Variants in IKBKB-DT observed in about 807,000 individuals in gnomAD.
IKBKB-DT encodes IKBKB antisense RNA.
At chr8:42,255,094 C>G (rs2976671) in intron 3 of IKBKB-DT, among the ~76,000 whole-genome samples, 1 of 151,680 alleles carries the variant, frequency 6.6e-6, no homozygotes, top group Non-Finnish European at 1.5e-5. Flanking sequence ...GCCCCACTGT[C>G]TGGGAAGTGA....
rs1474224768 is a variant in IKBKB-DT, at chr8:42,237,367, A to G, written n.1530-3508T>C. ...CTCCCAAAGTGCTGGGATTCCAGGC[A>G]TGACCACCATGCCCGGCCTAGTCTT... On this transcript the variant is annotated intron_variant and non_coding_transcript_variant, in intron 3 of 3. Coordinates refer to ENST00000518213, the Ensembl canonical transcript of IKBKB-DT. 4.6e-5 allele frequency among the ~76,000 whole-genome samples: 7 copies of G among 152,236 alleles called. No individual in the cohort carries two copies. In the East Asian group the frequency reaches 1.4e-3, roughly 29 times the overall value.
intron 1 of IKBKB-DT, among the ~76,000 whole-genome samples, chr8:42,267,004 G>GTTTTTTTTTTT (rs527900913): frequency 1.0e-4 from 13 of 125,594 alleles, no homozygotes; most frequent in Non-Finnish European, 1.6e-4. Flanking sequence ...TTTTTTTTTT[G>GTTTTTTTTTTT]TTTTTTTTTT....
intron 3 of IKBKB-DT, among the ~76,000 whole-genome samples, chr8:42,244,528 A>C (rs1807039852): frequency 6.6e-6 from 1 of 152,212 alleles, no homozygotes; most frequent in Middle Eastern, 3.2e-3. Flanking sequence ...GCTGATTAAT[A>C]ATAATTTGAA....
At chr8:42,240,933 C>T (rs933913318) in intron 3 of IKBKB-DT, among the ~76,000 whole-genome samples, 3 of 152,020 alleles carry the variant, frequency 2.0e-5, no homozygotes, top group African/African-American at 4.8e-5. Context: ...TGAGATTGCG[C>T]CATTGCACTC....
intron 3 of IKBKB-DT, among the ~76,000 whole-genome samples, chr8:42,248,068 G>A (rs1251761950): frequency 2.6e-5 from 4 of 151,580 alleles, no homozygotes; most frequent in Non-Finnish European, 5.9e-5. Flanking sequence ...ACTCCAGCCT[G>A]GGCGACAGAG....
At chr8:42,260,015 AAGAG>A (rs957946092) in intron 3 of IKBKB-DT, among the ~76,000 whole-genome samples, 8 of 150,046 alleles carry the variant, frequency 5.3e-5, no homozygotes, top group African/African-American at 1.2e-4. Flanking sequence ...AGAGAGAGAA[AAGAG>A]AGAGAGAGAG....
intron 3 of IKBKB-DT, among the ~76,000 whole-genome samples, chr8:42,257,570 G>A (rs940739714): frequency 2.6e-5 from 4 of 151,986 alleles, no homozygotes; most frequent in East Asian, 3.9e-4. Context: ...GGGGCCTTCA[G>A]GAAAATTCCA....
intron 3 of IKBKB-DT, among the ~76,000 whole-genome samples, chr8:42,252,296 C>G (rs1376928584): frequency 6.6e-6 from 1 of 152,176 alleles, no homozygotes; most frequent in Non-Finnish European, 1.5e-5. Context: ...TCTATAAACC[C>G]CATGCATTCC....
chr8:42,251,909 C>A (rs1807133432), intron 3 of IKBKB-DT, among the ~76,000 whole-genome samples: 1 of 151,674 alleles, frequency 6.6e-6, no homozygotes. Context: ...AGGTCTGCAG[C>A]AACCTCATTT....
intron 3 of IKBKB-DT, among the ~76,000 whole-genome samples, chr8:42,252,936 T>G (rs1464190084): frequency 6.6e-6 from 1 of 152,218 alleles, no homozygotes; most frequent in African/African-American, 2.4e-5. Context: ...CCAAAACATG[T>G]TTCTTTGCCA....
At chr8:42,233,715 C>A (rs1272134708) in exon 4 of IKBKB-DT, 1 of 152,206 alleles carries the variant, frequency 6.6e-6, no homozygotes, top group South Asian at 2.1e-4. Flanking sequence ...TCAAATCAGT[C>A]TCTCCCAGCA....
At chr8:42,269,462 A>AG (rs1563280938) in intron 1 of IKBKB-DT, among the ~76,000 whole-genome samples, 1 of 20,894 alleles carries the variant, frequency 4.8e-5, no homozygotes, top group Non-Finnish European at 8.7e-5. Context: ...AGGGGAGGGG[A>AG]GGGGAGGGGA....
chr8:42,253,984 T>C (rs1278768691), intron 3 of IKBKB-DT, among the ~76,000 whole-genome samples: 1 of 152,242 alleles, frequency 6.6e-6, no homozygotes, highest in Non-Finnish European at 1.5e-5. Flanking sequence ...AAGAACAGGC[T>C]GTGACCTAAT....
intron 3 of IKBKB-DT, among the ~76,000 whole-genome samples, chr8:42,259,145 C>T (rs949393453): frequency 2.0e-5 from 3 of 152,270 alleles, no homozygotes; most frequent in East Asian, 1.9e-4. Flanking sequence ...CCTGCCTCAG[C>T]CTCCTGAGTA....
chr8:42,241,299 C>T (rs1807000673), intron 3 of IKBKB-DT, among the ~76,000 whole-genome samples: 1 of 125,098 alleles, frequency 8.0e-6, no homozygotes, highest in African/African-American at 3.1e-5. Flanking sequence ...ATCTGTGGCC[C>T]AGGAGGCAGA....
chr8:42,263,004 G>A lies in IKBKB-DT; in HGVS notation n.1529+325C>T, dbSNP rs1372598871. 3.3e-5 allele frequency among the ~76,000 whole-genome samples: 5 copies of A among 152,120 alleles called. No individual in the cohort carries two copies. In the East Asian group the frequency reaches 9.7e-4, roughly 29 times the overall value. On this transcript the variant is annotated intron_variant and non_coding_transcript_variant, in intron 3 of 3. Transcript: ENST00000518213. ...GATCCACCAGCCTTGGCCTCCCAAAGTGCTGAGATTACAGGCATGAGCCAC... is the reference window on the plus strand; with the variant it reads ...GATCCACCAGCCTTGGCCTCCCAAAATGCTGAGATTACAGGCATGAGCCAC...
At chr8:42,252,211 A>C (rs1051994514) in intron 3 of IKBKB-DT, among the ~76,000 whole-genome samples, 27 of 152,218 alleles carry the variant, frequency 1.8e-4, no homozygotes, top group African/African-American at 6.3e-4. Context: ...GCTTCTTCGC[A>C]CTATGCAAAC....
At chr8:42,251,732 G>A (rs1246783704) in intron 3 of IKBKB-DT, among the ~76,000 whole-genome samples, 1 of 151,330 alleles carries the variant, frequency 6.6e-6, no homozygotes, top group Admixed American at 6.6e-5. Context: ...TAGGGAGGGT[G>A]AGACAGGAGA....
chr8:42,254,260 C>T (rs1209171719), intron 3 of IKBKB-DT, among the ~76,000 whole-genome samples: 3 of 152,228 alleles, frequency 2.0e-5, no homozygotes, highest in Non-Finnish European at 4.4e-5. Flanking sequence ...CTCTCTGTCA[C>T]CTCCATTTCT....
Sources: gnomAD v4.1 joint callset for allele counts (sites outside exome capture counted in the v4.1 genomes callset) on GRCh38, gnomAD v4.1.1 for gene constraint, MANE v1.5 for transcripts, NCBI Gene and HGNC (gene_info 2026-07-23, HGNC 2026-07-21) for gene names.